Variants in CA10 observed in about 807,000 individuals in gnomAD.
The protein encoded by CA10 is carbonic anhydrase-related protein 10.
Under a neutral mutation model 44.2 loss-of-function variants are expected in CA10, and 14 were observed. The ratio of observed to expected loss-of-function variants is 0.32; its 90% CI spans 0.21 to 0.50. The LOEUF (loss-of-function observed/expected upper bound fraction) is 0.50, where lower values mean the gene tolerates loss of function less well. CA10 is among the 20% of genes least tolerant of loss of function. The pLI is 0.99. For synonymous variants in CA10, 159 were observed against 141.6 expected (o/e 1.12, Z -0.87); for missense variants, 350 against 409.7 (o/e 0.85, Z 1.26).
At chr17:51,771,236 C>T (rs896197942) in intron 3 of CA10, among the ~76,000 whole-genome samples, 3 of 151,856 alleles carry the variant, frequency 2.0e-5, no homozygotes, top group African/African-American at 7.3e-5. Context: ...AAACACCTCC[C>T]ACTAGGCTCC....
At chr17:51,681,782 A>G (rs970901609) in intron 4 of CA10, among the ~76,000 whole-genome samples, 2 of 152,180 alleles carry the variant, frequency 1.3e-5, no homozygotes, top group East Asian at 1.9e-4. Flanking sequence ...CCATCACCCA[A>G]ATAACATACA....
In CA10 at chr17:51,901,248, C is replaced by T. The variant is rs188506889; in HGVS notation, c.279+29742G>A. 2.8e-3 allele frequency among the ~76,000 whole-genome samples: 420 copies of T among 152,074 alleles called. 1 individual carries two copies. The highest frequency in any genetic ancestry group is 4.4e-3 in the Non-Finnish European group (302 of 68,002). On this transcript the variant is annotated intron_variant, in intron 3 of 8. Transcript: ENST00000451037. Reference sequence around the variant, plus strand: ...GATTGCGGTATAAAGTGGGTTCAGTCAACTGGCTTCATTTCTGGAATATTT... The same window carrying T: ...GATTGCGGTATAAAGTGGGTTCAGTTAACTGGCTTCATTTCTGGAATATTT...
chr17:51,706,334 G>C (rs1915761397), intron 4 of CA10, among the ~76,000 whole-genome samples: 1 of 152,230 alleles, frequency 6.6e-6, no homozygotes, highest in Non-Finnish European at 1.5e-5. Flanking sequence ...TGCCAGAAAT[G>C]AGCTCTCATG....
intron 3 of CA10, among the ~76,000 whole-genome samples, chr17:51,866,877 T>C (rs1015492102): frequency 1.3e-5 from 2 of 152,070 alleles, no homozygotes; most frequent in Non-Finnish European, 2.9e-5. Flanking sequence ...TAGATAATTA[T>C]CAATATAAAA....
chr17:51,996,609 C>T (rs1427023068), intron 2 of CA10, among the ~76,000 whole-genome samples: 1 of 152,000 alleles, frequency 6.6e-6, no homozygotes, highest in African/African-American at 2.4e-5. Context: ...CCTTAATTCC[C>T]TAAACATGCC....
At chr17:52,039,192 C>T (rs185823976) in intron 2 of CA10, among the ~76,000 whole-genome samples, 12 of 152,166 alleles carry the variant, frequency 7.9e-5, no homozygotes, top group East Asian at 3.9e-4. Flanking sequence ...AAAGCAAATA[C>T]GTATTAGACA....
intron 3 of CA10, among the ~76,000 whole-genome samples, chr17:51,845,820 C>T (rs1229801363): frequency 6.6e-6 from 1 of 152,220 alleles, no homozygotes; most frequent in African/African-American, 2.4e-5. Flanking sequence ...TAAAGGGCGA[C>T]TGGCTTCTGT....
chr17:52,037,551 C>T (rs1346487261), intron 2 of CA10, among the ~76,000 whole-genome samples: 1 of 151,968 alleles, frequency 6.6e-6, no homozygotes, highest in Non-Finnish European at 1.5e-5. Context: ...GAAATTAAGT[C>T]AAAGAGCAAT....
intron 4 of CA10, among the ~76,000 whole-genome samples, chr17:51,689,500 C>T (rs1296130714): frequency 1.3e-5 from 2 of 152,068 alleles, no homozygotes; most frequent in African/African-American, 2.4e-5. Flanking sequence ...GTGAATGATC[C>T]GTGTGTACTT....
chr17:51,810,303 A>C (rs1907308759), intron 3 of CA10, among the ~76,000 whole-genome samples: 1 of 152,252 alleles, frequency 6.6e-6, no homozygotes, highest in Non-Finnish European at 1.5e-5. Context: ...AGCTTGAAAA[A>C]GAAAACATTC....
At chr17:51,877,567 C>T (rs1980134013) in intron 3 of CA10, among the ~76,000 whole-genome samples, 1 of 152,198 alleles carries the variant, frequency 6.6e-6, no homozygotes, top group African/African-American at 2.4e-5. Context: ...TTCTTCAATG[C>T]ACCTTGGCAA....
At chr17:52,021,042 C>T (rs373878066) in intron 2 of CA10, among the ~76,000 whole-genome samples, 54 of 151,856 alleles carry the variant, frequency 3.6e-4, no homozygotes, top group African/African-American at 1.2e-3. Flanking sequence ...TTTTATTTAT[C>T]CAGTCTACCA....
intron 3 of CA10, among the ~76,000 whole-genome samples, chr17:51,830,193 C>T (rs1386759399): frequency 3.2e-5 from 3 of 93,206 alleles, no homozygotes; most frequent in Admixed American, 1.1e-4. Flanking sequence ...AAGACTCCAT[C>T]TCAAAAAAAA....
intron 3 of CA10, among the ~76,000 whole-genome samples, chr17:51,891,360 G>GA (rs1194105734): frequency 2.6e-5 from 4 of 152,194 alleles, no homozygotes; most frequent in Admixed American, 2.0e-4. Flanking sequence ...TAAGGAACGA[G>GA]AAATAGCACC....
intron 2 of CA10, among the ~76,000 whole-genome samples, chr17:51,970,570 A>C (rs1984246266): frequency 6.6e-6 from 1 of 152,064 alleles, no homozygotes; most frequent in Admixed American, 6.6e-5. Context: ...TTGCTAATCC[A>C]ATGCTAAAAT....
At chr17:51,732,235 A>G (rs935959932) in intron 4 of CA10, among the ~76,000 whole-genome samples, 4 of 152,232 alleles carry the variant, frequency 2.6e-5, no homozygotes, top group African/African-American at 9.6e-5. Flanking sequence ...CAGGAAGATG[A>G]GTCACATGGC....
chr17:51,830,742 ACACTGG>A (rs1176893250), intron 3 of CA10, among the ~76,000 whole-genome samples: 8 of 152,194 alleles, frequency 5.3e-5, no homozygotes, highest in Non-Finnish European at 1.0e-4. Context: ...TACTTGACTG[ACACTGG>A]CTTAAGGAAT....
intron 1 of CA10, among the ~76,000 whole-genome samples, chr17:52,123,233 A>G (rs1989048575): frequency 1.3e-5 from 2 of 152,020 alleles, no homozygotes; most frequent in African/African-American, 2.4e-5. Flanking sequence ...AAAGAGTGAC[A>G]TGAAAGAAAT....
intron 4 of CA10, among the ~76,000 whole-genome samples, chr17:51,698,157 A>ATGCTGCTGCTGC (rs776362919): frequency 7.9e-4 from 121 of 152,262 alleles, no homozygotes; most frequent in African/African-American, 2.9e-3. Flanking sequence ...GACACAGCAG[A>ATGCTGCTGCTGC]TGCTGCTGCT....
Sources: gnomAD v4.1 joint callset for allele counts (sites outside exome capture counted in the v4.1 genomes callset) on GRCh38, gnomAD v4.1.1 for gene constraint, MANE v1.5 for transcripts, NCBI Gene and HGNC (gene_info 2026-07-23, HGNC 2026-07-21) for gene names.